CTNNA3: variants seen among roughly 807,000 people sequenced by gnomAD.
CTNNA3 encodes catenin alpha 3, also known as catenin alpha-3.
Under a neutral mutation model 95.7 loss-of-function variants are expected in CTNNA3, and 76 were observed. The observed-to-expected ratio is 0.79, with a 90% confidence interval of 0.66 to 0.96. The LOEUF is 0.96. Ranked by LOEUF, CTNNA3 falls within the 40% of genes least tolerant of loss-of-function variation. CTNNA3 has a pLI of 0.00. For synonymous variants in CTNNA3, 431 were observed against 374.4 expected (o/e 1.15, Z -1.74); for missense variants, 1,191 against 1,089.8 (o/e 1.09, Z -1.31).
At chr10:66,650,736 T>C (rs1201164154) in intron 9 of CTNNA3, among the ~76,000 whole-genome samples, 2 of 152,092 alleles carry the variant, frequency 1.3e-5, no homozygotes, top group Admixed American at 6.5e-5. Flanking sequence ...GCGGCGCATC[T>C]GGAGTTGTTC....
chr10:67,557,717 G>C (rs1841309579), intron 3 of CTNNA3, among the ~76,000 whole-genome samples: 1 of 152,136 alleles, frequency 6.6e-6, no homozygotes, highest in South Asian at 2.1e-4. Context: ...TTATTGGGTT[G>C]TTTACAGAAT....
intron 5 of CTNNA3, among the ~76,000 whole-genome samples, chr10:67,433,437 G>A (rs1276910801): frequency 6.6e-6 from 1 of 152,050 alleles, no homozygotes; most frequent in Admixed American, 6.6e-5. Context: ...TTACCAAAAT[G>A]TGACACAGAC....
chr10:67,292,337 G>A (rs542362710), intron 5 of CTNNA3, among the ~76,000 whole-genome samples: 430 of 152,268 alleles, frequency 2.8e-3, no homozygotes, highest in Middle Eastern at 0.017. Context: ...ATGGGGCTGA[G>A]AGACAGGAGG....
Position 66,271,510 on chromosome 10 carries a change from A to G in CTNNA3, c.1884+8960T>C, listed in dbSNP as rs1001691989. On this transcript the variant is annotated intron_variant, in intron 13 of 17. Transcript: ENST00000433211. The stretch of plus-strand genomic sequence containing the variant: ...TTTAATACTTATACAAGTTTATAAT[A>G]GTATGACATTTAATAATTCACTTAA... Among the ~76,000 whole-genome samples the G allele has an allele frequency of 7.2e-5, 11 of 152,374 alleles. No individual in the cohort carries two copies. In the East Asian group the frequency reaches 1.9e-3, roughly 27 times the overall value.
At chr10:66,749,620 C>T (rs1188317424) in intron 9 of CTNNA3, among the ~76,000 whole-genome samples, 1 of 152,180 alleles carries the variant, frequency 6.6e-6, no homozygotes, top group African/African-American at 2.4e-5. Context: ...TACTGAAGGA[C>T]ATCTTGATTG....
intron 16 of CTNNA3, among the ~76,000 whole-genome samples, chr10:65,982,611 C>G (rs984566188): frequency 6.7e-6 from 1 of 149,658 alleles, no homozygotes; most frequent in African/African-American, 2.5e-5. Flanking sequence ...AAATGCCCAT[C>G]AATCAATGAA....
At chr10:65,957,297 T>A (rs937872391) in intron 17 of CTNNA3, among the ~76,000 whole-genome samples, 14 of 152,340 alleles carry the variant, frequency 9.2e-5, no homozygotes, top group African/African-American at 3.4e-4. Flanking sequence ...GCACGTGAGA[T>A]GGGTCTCCTG....
intron 7 of CTNNA3, among the ~76,000 whole-genome samples, chr10:66,909,986 T>C (rs1233116523): frequency 6.6e-6 from 1 of 152,088 alleles, no homozygotes; most frequent in Non-Finnish European, 1.5e-5. Context: ...AAAGGGCAAA[T>C]AAACAATTTA....
chr10:66,254,007 ACTAAAAGTGCTCAT>A (rs1589860856), intron 13 of CTNNA3, among the ~76,000 whole-genome samples: 1 of 152,144 alleles, frequency 6.6e-6, no homozygotes, highest in East Asian at 1.9e-4. Flanking sequence ...GGTATTACCC[ACTAAAAGTGCTCAT>A]CTTGGAAGAG....
At chr10:66,411,238 C>T (rs2093102840) in intron 11 of CTNNA3, among the ~76,000 whole-genome samples, 1 of 151,036 alleles carries the variant, frequency 6.6e-6, no homozygotes, top group African/African-American at 2.5e-5. Flanking sequence ...ATCATTGATT[C>T]TTAAAGTATA....
intron 1 of CTNNA3, among the ~76,000 whole-genome samples, chr10:67,691,941 A>AG (rs1438762896): frequency 1.6e-5 from 2 of 127,108 alleles, no homozygotes; most frequent in African/African-American, 3.0e-5. Context: ...GGAGGGAGGT[A>AG]GGGGGGTCAG....
At chr10:66,674,543 T>C (rs1426189077) in intron 9 of CTNNA3, among the ~76,000 whole-genome samples, 6 of 151,920 alleles carry the variant, frequency 3.9e-5, no homozygotes, top group Non-Finnish European at 5.9e-5. Flanking sequence ...CTCCTTTGCA[T>C]AGCAGTGTGT....
At chr10:67,683,977 A>G (rs866299983) in intron 1 of CTNNA3, among the ~76,000 whole-genome samples, 2 of 152,318 alleles carry the variant, frequency 1.3e-5, no homozygotes, top group South Asian at 4.1e-4. Context: ...ATGCGAACCC[A>G]AAGAGTGAGC....
At chr10:66,645,879 T>C (rs545032194) in intron 9 of CTNNA3, among the ~76,000 whole-genome samples, 2 of 152,252 alleles carry the variant, frequency 1.3e-5, no homozygotes, top group Non-Finnish European at 2.9e-5. Flanking sequence ...CCCAAAAAGG[T>C]TGGGGATCGC....
chr10:66,006,419 T>C (rs532968437), intron 15 of CTNNA3, among the ~76,000 whole-genome samples: 1 of 152,288 alleles, frequency 6.6e-6, no homozygotes, highest in East Asian at 1.9e-4. Context: ...AAAGTCATTA[T>C]TCGTTGACAC....
At chr10:67,305,789 G>A (rs1227701075) in intron 5 of CTNNA3, among the ~76,000 whole-genome samples, 1 of 152,192 alleles carries the variant, frequency 6.6e-6, no homozygotes, top group Non-Finnish European at 1.5e-5. Context: ...TGACTATCTG[G>A]TTGAGTAGCT....
At chr10:67,488,000 C>T (rs188428753) in intron 5 of CTNNA3, among the ~76,000 whole-genome samples, 41 of 152,342 alleles carry the variant, frequency 2.7e-4, no homozygotes, top group African/African-American at 8.4e-4. Context: ...GCATCCCGCT[C>T]ACACTGTCTA....
chr10:67,182,558 C>A (rs1249672783), intron 6 of CTNNA3, among the ~76,000 whole-genome samples: 2 of 151,576 alleles, frequency 1.3e-5, no homozygotes, highest in Admixed American at 6.6e-5. Flanking sequence ...TAAAGACTTA[C>A]ATGTTAGACC....
At chr10:66,957,377 T>A (rs967365559) in intron 7 of CTNNA3, among the ~76,000 whole-genome samples, 3 of 85,360 alleles carry the variant, frequency 3.5e-5, no homozygotes, top group Non-Finnish European at 4.7e-5. Flanking sequence ...CCAGAATATG[T>A]GTGTGTATAT....
Sources: allele counts gnomAD v4.1 joint callset (sites outside exome capture counted in the v4.1 genomes callset), GRCh38; gene constraint gnomAD v4.1.1; transcripts MANE v1.5; gene names NCBI Gene and HGNC (gene_info 2026-07-23, HGNC 2026-07-21).